TUSC3: variants seen among roughly 807,000 people sequenced by gnomAD.
TUSC3 encodes the protein dolichyl-diphosphooligosaccharide--protein glycosyltransferase subunit TUSC3.
A neutral mutation model predicts 44.8 loss-of-function variants in TUSC3; 45 were observed. The ratio of observed to expected loss-of-function variants is 1.00; its 90% CI spans 0.79 to 1.29. TUSC3 has a LOEUF of 1.29. TUSC3 is among the 50% of genes most tolerant of loss of function. TUSC3 has a pLI of 0.00. For missense variants in TUSC3, 519 were observed against 437.9 expected, an observed-to-expected ratio of 1.19 and a Z score of -1.65; for synonymous variants, 212 against 152.9, an observed-to-expected ratio of 1.39 and a Z score of -2.85.
At chr8:15,504,607 AT>A (rs1801022677) in intron 2 of TUSC3, among the ~76,000 whole-genome samples, 1 of 25,124 alleles carries the variant, frequency 4.0e-5, no homozygotes, top group African/African-American at 1.8e-4. Context: ...ATATATATAT[AT>A]ATATATATAT....
intron 2 of TUSC3, among the ~76,000 whole-genome samples, chr8:15,626,549 G>A (rs192585843): frequency 5.9e-5 from 9 of 152,314 alleles, no homozygotes; most frequent in East Asian, 5.8e-4. Context: ...CCTCCTGGGC[G>A]CAGCTGCAAC....
intron 6 of TUSC3, among the ~76,000 whole-genome samples, chr8:15,684,091 G>C (rs553735243): frequency 6.9e-6 from 1 of 144,682 alleles, no homozygotes. Flanking sequence ...TGCATTCACC[G>C]TAGTGCTCTG....
At chr8:15,779,396 A>G in the TUSC3 span, among the ~76,000 whole-genome samples, 2 of 152,284 alleles carry the variant, frequency 1.3e-5, no homozygotes, top group Middle Eastern at 3.4e-3. Flanking sequence ...AAAAATAAAA[A>G]TTATCCAAAA....
At chr8:15,776,168 C>T in the TUSC3 span, among the ~76,000 whole-genome samples, 1 of 152,028 alleles carries the variant, frequency 6.6e-6, no homozygotes, top group Non-Finnish European at 1.5e-5. Flanking sequence ...AAACACTTTT[C>T]AGCTGATTAT....
At chr8:15,840,403 A>G in the TUSC3 span, among the ~76,000 whole-genome samples, 4 of 152,076 alleles carry the variant, frequency 2.6e-5, no homozygotes, top group South Asian at 4.2e-4. Context: ...ATAAATAACC[A>G]CACACACACA....
the TUSC3 span, among the ~76,000 whole-genome samples, chr8:15,828,156 G>A: frequency 6.6e-6 from 1 of 151,830 alleles, no homozygotes; most frequent in Non-Finnish European, 1.5e-5. Context: ...CACCACACCT[G>A]GCTAATTTTT....
At chr8:15,455,113 C>G (rs1371323864) in intron 1 of TUSC3, among the ~76,000 whole-genome samples, 2 of 152,104 alleles carry the variant, frequency 1.3e-5, no homozygotes, top group Admixed American at 1.3e-4. Flanking sequence ...AGCAAAGGCA[C>G]TATTAAAGTT....
chr8:15,545,651 T>G (rs1468035818), intron 1 of TUSC3, among the ~76,000 whole-genome samples: 3 of 151,684 alleles, frequency 2.0e-5, no homozygotes, highest in Admixed American at 2.0e-4. Flanking sequence ...TTTCTCCACA[T>G]GCACCACCAG....
At chr8:15,733,241 G>C (rs2129209244) in intron 7 of TUSC3, 1 of 284,828 alleles carries the variant, frequency 3.5e-6, no homozygotes, top group Middle Eastern at 1.4e-3. Context: ...ACTATTTAAA[G>C]ATATTCAGGA....
chr8:15,639,822 G>A (rs10081561), intron 2 of TUSC3, among the ~76,000 whole-genome samples: 80,537 of 145,982 alleles, frequency 0.55, 22,103 homozygotes, highest in East Asian at 0.63. Flanking sequence ...ACTTAGTACA[G>A]TCAGTCAATA....
intron 6 of TUSC3, among the ~76,000 whole-genome samples, chr8:15,696,320 C>T (rs1809163668): frequency 6.6e-6 from 1 of 152,140 alleles, no homozygotes; most frequent in Admixed American, 6.5e-5. Flanking sequence ...CAAGCCTTGG[C>T]AGCTTCCATG....
chr8:15,476,805 C>T (rs1332122234), intron 1 of TUSC3, among the ~76,000 whole-genome samples: 1 of 152,188 alleles, frequency 6.6e-6, no homozygotes, highest in East Asian at 1.9e-4. Flanking sequence ...GTGTACACCC[C>T]ATGCAAATGA....
At chr8:15,620,150 T>G (rs981802845) in intron 1 of TUSC3, among the ~76,000 whole-genome samples, 1 of 152,100 alleles carries the variant, frequency 6.6e-6, no homozygotes, top group African/African-American at 2.4e-5. Context: ...CATAAAGAGA[T>G]AGAAGATGAA....
At chr8:15,639,079 C>G (rs763273419) in intron 2 of TUSC3, among the ~76,000 whole-genome samples, 2 of 145,898 alleles carry the variant, frequency 1.4e-5, no homozygotes, top group South Asian at 2.1e-4. Flanking sequence ...TGCTCGATCA[C>G]GTGATGTTCA....
At chr8:15,761,149 T>G (rs1200956091) in intron 10 of TUSC3, among the ~76,000 whole-genome samples, 1 of 152,194 alleles carries the variant, frequency 6.6e-6, no homozygotes, top group Admixed American at 6.5e-5. Context: ...CACTTGCGTG[T>G]TTCTCTAGAA....
intron 1 of TUSC3, among the ~76,000 whole-genome samples, chr8:15,581,137 C>T (rs370290357): frequency 5.5e-5 from 7 of 126,176 alleles, no homozygotes; most frequent in Admixed American, 8.3e-5. Flanking sequence ...GCATTCTTCA[C>T]GTAGTTCTCG....
At chr8:15,778,074 C>G in the TUSC3 span, among the ~76,000 whole-genome samples, 2 of 148,158 alleles carry the variant, frequency 1.3e-5, no homozygotes, top group Non-Finnish European at 3.0e-5. Flanking sequence ...TGAGTGACAT[C>G]AGACTCAGAG....
intron 10 of TUSC3, among the ~76,000 whole-genome samples, chr8:15,761,570 C>T (rs753529918): frequency 2.0e-5 from 3 of 152,148 alleles, no homozygotes; most frequent in East Asian, 1.9e-4. Context: ...TCAGAATACG[C>T]GAATAAGCCA....
chr8:15,675,402 A>G (rs1447513129), intron 6 of TUSC3, among the ~76,000 whole-genome samples: 1 of 145,182 alleles, frequency 6.9e-6, no homozygotes, highest in Non-Finnish European at 1.5e-5. Flanking sequence ...ATGTTTTAAC[A>G]TATTGTATTC....
Sources: gnomAD v4.1 joint callset for allele counts (sites outside exome capture counted in the v4.1 genomes callset) on GRCh38, gnomAD v4.1.1 for gene constraint, MANE v1.5 for transcripts, NCBI Gene and HGNC (gene_info 2026-07-23, HGNC 2026-07-21) for gene names.